The following SPATA16 variants were observed in gnomAD, a reference collection of about 807,000 sequenced individuals.
SPATA16 encodes spermatogenesis associated 16.
Under a neutral mutation model 63.3 loss-of-function variants are expected in SPATA16, and 36 were observed. That is an observed-to-expected ratio of 0.57 (90% confidence interval 0.44 to 0.75). The LOEUF is 0.75. Ranked by LOEUF, SPATA16 falls within the 30% of genes least tolerant of loss-of-function variation. SPATA16 has a pLI of 0.00. For missense variants in SPATA16, 646 were observed against 679.3 expected, an observed-to-expected ratio of 0.95 and a Z score of 0.54; for synonymous variants, 203 against 216.7, an observed-to-expected ratio of 0.94 and a Z score of 0.56.
chr3:173,099,157 A>G (rs1431009714), intron 2 of SPATA16, among the ~76,000 whole-genome samples: 1 of 152,158 alleles, frequency 6.6e-6, no homozygotes, highest in Non-Finnish European at 1.5e-5. Flanking sequence ...TGCCTAGGTC[A>G]TTCACCTCAT....
intron 1 of SPATA16, among the ~76,000 whole-genome samples, chr3:173,140,277 T>C (rs1435322837): frequency 6.6e-6 from 1 of 152,162 alleles, no homozygotes; most frequent in Non-Finnish European, 1.5e-5. Flanking sequence ...TCAAACTAAG[T>C]CTTACTAAAA....
intron 2 of SPATA16, among the ~76,000 whole-genome samples, chr3:173,076,397 T>A (rs760874538): frequency 6.6e-4 from 60 of 90,804 alleles, no homozygotes; most frequent in Admixed American, 4.1e-4. Flanking sequence ...TAGTATAAAA[T>A]TTTTTTTTTT....
At chr3:172,993,868 T>C (rs185831818) in intron 4 of SPATA16, among the ~76,000 whole-genome samples, 40 of 152,170 alleles carry the variant, frequency 2.6e-4, no homozygotes, top group East Asian at 1.4e-3. Context: ...CAGAAGACAG[T>C]TGGGGGGACT....
chr3:172,930,991 T>G lies in SPATA16; in HGVS notation c.1082-5499A>C, dbSNP rs528513786. ...GCGCCTGCCACCGTGCTCAGCTAAT[T>G]TTTGTTATTTTTAGTAGAGATGGGG... On this transcript the variant is annotated intron_variant, in intron 6 of 10. Coordinates refer to ENST00000351008, the MANE Select transcript of SPATA16 (RefSeq NM_031955.6). Among the ~76,000 whole-genome samples the G allele has an allele frequency of 8.3e-4, 125 of 151,186 alleles. No individual in the cohort carries two copies. The Middle Eastern group carries it at 0.021, about 25-fold the overall frequency.
At chr3:173,031,816 C>A (rs189166473) in intron 3 of SPATA16, among the ~76,000 whole-genome samples, 1 of 152,076 alleles carries the variant, frequency 6.6e-6, no homozygotes, top group Non-Finnish European at 1.5e-5. Context: ...TTAAAAAGTT[C>A]ATGCAGTCAG....
At chr3:173,100,236 A>T (rs948598628) in intron 2 of SPATA16, among the ~76,000 whole-genome samples, 2 of 152,144 alleles carry the variant, frequency 1.3e-5, no homozygotes, top group African/African-American at 2.4e-5. Flanking sequence ...TATTTCAATG[A>T]CTTCTTTTGC....
chr3:172,995,452 T>C (rs1734673975), intron 4 of SPATA16, among the ~76,000 whole-genome samples: 1 of 151,976 alleles, frequency 6.6e-6, no homozygotes, highest in African/African-American at 2.4e-5. Flanking sequence ...ATTCAGGTAA[T>C]TAAAGAAAGA....
intron 10 of SPATA16, among the ~76,000 whole-genome samples, chr3:172,896,507 C>T (rs1732012436): frequency 6.6e-6 from 1 of 152,210 alleles, no homozygotes; most frequent in African/African-American, 2.4e-5. Flanking sequence ...AGGCGTGAGC[C>T]ACCGTGCCCG....
intron 4 of SPATA16, among the ~76,000 whole-genome samples, chr3:172,996,930 G>A (rs1052344854): frequency 6.6e-6 from 1 of 152,078 alleles, no homozygotes; most frequent in Non-Finnish European, 1.5e-5. Context: ...TTAGTAATAT[G>A]CAGATGAGTT....
intron 6 of SPATA16, among the ~76,000 whole-genome samples, chr3:172,930,252 G>A (rs1007130249): frequency 6.6e-6 from 1 of 152,182 alleles, no homozygotes; most frequent in Admixed American, 6.5e-5. Context: ...CAGGAACTCT[G>A]GAGATGTTTC....
intron 5 of SPATA16, among the ~76,000 whole-genome samples, chr3:172,957,430 A>T (rs971047865): frequency 1.8e-4 from 27 of 152,262 alleles, no homozygotes; most frequent in African/African-American, 6.0e-4. Context: ...ATTTTTGCTC[A>T]TGTACCATTC....
intron 5 of SPATA16, among the ~76,000 whole-genome samples, chr3:172,968,451 T>G (rs555434388): frequency 6.6e-6 from 1 of 152,304 alleles, no homozygotes; most frequent in African/African-American, 2.4e-5. Context: ...ACATGTTGGG[T>G]TGAAGTGGGG....
intron 4 of SPATA16, among the ~76,000 whole-genome samples, chr3:173,005,827 A>G (rs1348738271): frequency 6.6e-6 from 1 of 152,140 alleles, no homozygotes; most frequent in Non-Finnish European, 1.5e-5. Context: ...ATTATTTACT[A>G]GTTATTTGGA....
chr3:173,068,767 T>C (rs1577158215), intron 2 of SPATA16, among the ~76,000 whole-genome samples: 1 of 151,130 alleles, frequency 6.6e-6, no homozygotes, highest in Non-Finnish European at 1.5e-5. Flanking sequence ...AACCTAATGA[T>C]ATATTGTTAA....
At chr3:172,975,383 A>C (rs1431056876) in intron 5 of SPATA16, among the ~76,000 whole-genome samples, 1 of 152,188 alleles carries the variant, frequency 6.6e-6, no homozygotes, top group African/African-American at 2.4e-5. Context: ...TAATTAAATT[A>C]AGTCAAGCAT....
rs367890399 is a variant in SPATA16 at position 172,943,571 on chromosome 3, C to T, written c.1081+13106G>A. ...CCTGGCCAACATGGTGAAACCCCAT[C>T]CCTACTAAAAATACAAAATGTAGCT... On this transcript the variant is annotated intron_variant, in intron 6 of 10. Transcript: ENST00000351008. Among the ~76,000 whole-genome samples, 343 of 152,226 alleles carry T rather than the reference C, an allele frequency of 2.3e-3. 2 individuals carry two copies. Among genetic ancestry groups the T allele is most frequent in the South Asian group, 4.8e-3 (23 of 4,818 alleles).
intron 2 of SPATA16, among the ~76,000 whole-genome samples, chr3:173,090,217 T>C (rs1008928982): frequency 5.3e-4 from 81 of 152,168 alleles, no homozygotes; most frequent in African/African-American, 1.1e-3. Context: ...TGATAGTGAG[T>C]GGCTTGTCAT....
At chr3:172,976,856 G>T in intron 5 of SPATA16, 112 bp downstream of exon 5, 1 of 834,488 alleles carries the variant, frequency 1.2e-6, no homozygotes, top group Non-Finnish European at 2.0e-6. Context: ...CCTTCTTTCT[G>T]ATTGATATGC....
chr3:173,086,512 AG>A (rs1426483126), intron 2 of SPATA16, among the ~76,000 whole-genome samples: 1 of 152,062 alleles, frequency 6.6e-6, no homozygotes, highest in Non-Finnish European at 1.5e-5. Flanking sequence ...AATTTCTTGA[AG>A]GGTTTTTCAT....
Sources: gnomAD v4.1 joint callset for allele counts (sites outside exome capture counted in the v4.1 genomes callset) on GRCh38, gnomAD v4.1.1 for gene constraint, MANE v1.5 for transcripts, NCBI Gene and HGNC (gene_info 2026-07-23, HGNC 2026-07-21) for gene names.